Variants in STPG2 observed in about 807,000 individuals in gnomAD.
The protein encoded by STPG2 is sperm tail PG-rich repeat containing 2, also known as sperm-tail PG-rich repeat-containing protein 2.
A neutral mutation model predicts 54.2 loss-of-function variants in STPG2; 56 were observed. The observed-to-expected ratio is 1.03, with a 90% CI of 0.83 to 1.29. The LOEUF is 1.29. STPG2 is among the 50% of genes most tolerant of loss of function. The pLI is 0.00. For synonymous variants in STPG2, 200 were observed against 181.8 expected (o/e 1.10, Z -0.81); for missense variants, 596 against 544.9 (o/e 1.09, Z -0.93).
intron 5 of STPG2, among the ~76,000 whole-genome samples, chr4:98,022,303 C>G (rs989791463): frequency 4.6e-5 from 7 of 151,116 alleles, no homozygotes; most frequent in African/African-American, 7.3e-5. Context: ...ATATGAAATT[C>G]TGGGTTGAAA....
chr4:97,874,318 A>G (rs139838388), intron 8 of STPG2, among the ~76,000 whole-genome samples: 296 of 151,748 alleles, frequency 2.0e-3, no homozygotes, highest in African/African-American at 7.0e-3. Flanking sequence ...TATAACATAC[A>G]TCAATTTCTC....
At position 97,983,930 on chromosome 4, in the gene STPG2, C is replaced by T. The variant is rs187975035; in HGVS notation, c.613-2612G>A. Reference sequence around the variant, plus strand: ...ATACATATAAATATATATTAAAAATCATGAGTTCACATAAAAGCCTTCAAT... The same window carrying T: ...ATACATATAAATATATATTAAAAATTATGAGTTCACATAAAAGCCTTCAAT... On this transcript the variant is annotated intron_variant, in intron 5 of 10. Coordinates refer to ENST00000295268, the MANE Select transcript of STPG2 (RefSeq NM_174952.3). Among the ~76,000 whole-genome samples, 239 of 152,240 alleles carry T rather than the reference C, an allele frequency of 1.6e-3. 1 individual carries two copies. The highest frequency in any genetic ancestry group is 5.7e-3 in the African/African-American group (236 of 41,536).
chr4:98,134,216 A>G, intron 2 of STPG2, 131 bp downstream of exon 2: 1 of 409,338 alleles, frequency 2.4e-6, no homozygotes, highest in Admixed American at 4.4e-5. Flanking sequence ...CTATTATTCA[A>G]ATTATAAAAT....
chr4:97,473,305 G>A (rs1025127680), intron 4 of STPG2, among the ~76,000 whole-genome samples: 1 of 152,086 alleles, frequency 6.6e-6, no homozygotes. Context: ...GAGAAATATC[G>A]CTGAATTCTT....
chr4:97,529,586 A>G (rs577134949), intron 4 of STPG2, among the ~76,000 whole-genome samples: 1 of 152,240 alleles, frequency 6.6e-6, no homozygotes, highest in Non-Finnish European at 1.5e-5. Context: ...TGTCTGGTAG[A>G]ATTCGGCTAT....
intron 10 of STPG2, among the ~76,000 whole-genome samples, chr4:97,589,966 G>C (rs959555882): frequency 2.0e-5 from 3 of 152,086 alleles, no homozygotes; most frequent in Non-Finnish European, 2.9e-5. Context: ...TTGTATAGTG[G>C]TGAAATTGAC....
At chr4:97,687,321 T>G (rs1408798025) in intron 10 of STPG2, among the ~76,000 whole-genome samples, 1 of 24,540 alleles carries the variant, frequency 4.1e-5, no homozygotes, top group South Asian at 2.0e-3. Flanking sequence ...GCACTGAATC[T>G]TTTTTTTTTT....
chr4:97,569,793 ATATT>A (rs778207835), intron 10 of STPG2, among the ~76,000 whole-genome samples: 1 of 152,142 alleles, frequency 6.6e-6, no homozygotes, highest in Non-Finnish European at 1.5e-5. Context: ...GAGGAACAGA[ATATT>A]TACACAGTCT....
intron 5 of STPG2, among the ~76,000 whole-genome samples, chr4:98,018,422 G>A (rs1046944551): frequency 2.9e-4 from 44 of 152,162 alleles, no homozygotes; most frequent in Non-Finnish European, 5.3e-4. Context: ...TATCATTGTT[G>A]GACATTTGGG....
intron 4 of STPG2, among the ~76,000 whole-genome samples, chr4:97,493,093 C>G (rs1730535434): frequency 6.6e-6 from 1 of 150,844 alleles, no homozygotes; most frequent in African/African-American, 2.4e-5. Context: ...TATAATATGT[C>G]TAGCTACTTT....
Position 97,931,109 on chromosome 4 carries a change from T to C in STPG2, c.1044+12788A>G, listed in dbSNP as rs140927568. On this transcript the variant is annotated intron_variant, in intron 8 of 10. Coordinates refer to ENST00000295268, the MANE Select transcript of STPG2 (RefSeq NM_174952.3). ...CCAATACTATGGGATTTTCTAAATATAGGATCATGTCATCTGCAAACAGAT... is the reference window on the plus strand; with the variant it reads ...CCAATACTATGGGATTTTCTAAATACAGGATCATGTCATCTGCAAACAGAT... 6.7e-3 allele frequency among the ~76,000 whole-genome samples: 1,015 copies of C among 152,312 alleles called. 14 individuals are homozygous for C. Among genetic ancestry groups the C allele is most frequent in the African/African-American group, 0.023 (964 of 41,566 alleles).
At chr4:97,932,561 C>T (rs1485752395) in intron 8 of STPG2, among the ~76,000 whole-genome samples, 1 of 152,104 alleles carries the variant, frequency 6.6e-6, no homozygotes, top group Non-Finnish European at 1.5e-5. Context: ...GTTCCCCTCC[C>T]TGTGTCCATG....
chr4:97,753,578 CTAGGA>C (rs1725642159), intron 9 of STPG2, among the ~76,000 whole-genome samples: 1 of 151,936 alleles, frequency 6.6e-6, no homozygotes, highest in Non-Finnish European at 1.5e-5. Flanking sequence ...GGATATAAGC[CTAGGA>C]ATGGAATTGC....
intron 5 of STPG2, among the ~76,000 whole-genome samples, chr4:98,095,513 G>A (rs747051868): frequency 6.6e-6 from 1 of 152,120 alleles, no homozygotes; most frequent in Non-Finnish European, 1.5e-5. Flanking sequence ...AAGAGCAAGA[G>A]TAGCTATACT....
intron 9 of STPG2, among the ~76,000 whole-genome samples, chr4:97,792,357 A>T (rs188674970): frequency 3.7e-4 from 56 of 152,268 alleles, no homozygotes; most frequent in Admixed American, 2.2e-3. Flanking sequence ...AACTTTAATT[A>T]ATCCTTGACT....
chr4:97,756,189 C>T (rs1725727301), intron 9 of STPG2, among the ~76,000 whole-genome samples: 1 of 152,132 alleles, frequency 6.6e-6, no homozygotes. Context: ...ATGACATCTT[C>T]TACCTTGGTA....
chr4:98,072,356 G>A (rs1484742038), intron 5 of STPG2, among the ~76,000 whole-genome samples: 1 of 152,026 alleles, frequency 6.6e-6, no homozygotes, highest in East Asian at 1.9e-4. Flanking sequence ...GGAGCTAAAC[G>A]ATGAGAACAA....
At chr4:97,950,401 C>T (rs1733421179) in intron 7 of STPG2, among the ~76,000 whole-genome samples, 4 of 152,102 alleles carry the variant, frequency 2.6e-5, no homozygotes, top group Admixed American at 2.6e-4. Flanking sequence ...AAAACCTCTA[C>T]CACATTTTGT....
At chr4:98,079,623 T>C (rs2110114832) in intron 5 of STPG2, among the ~76,000 whole-genome samples, 1 of 152,298 alleles carries the variant, frequency 6.6e-6, no homozygotes, top group African/African-American at 2.4e-5. Context: ...TATTAGATTG[T>C]CTTTAAAAAT....
Sources: allele counts gnomAD v4.1 joint callset (sites outside exome capture counted in the v4.1 genomes callset), GRCh38; gene constraint gnomAD v4.1.1; transcripts MANE v1.5; gene names NCBI Gene and HGNC (gene_info 2026-07-23, HGNC 2026-07-21).